The following PRKCE variants were observed in gnomAD, a reference collection of about 807,000 sequenced individuals.
The protein encoded by PRKCE is protein kinase C epsilon.
In PRKCE, 16 loss-of-function variants were observed where a neutral mutation model predicts 85.4. That is an observed-to-expected ratio of 0.19 (90% CI 0.13 to 0.28). PRKCE has a LOEUF of 0.28. PRKCE is among the 10% of genes least tolerant of loss of function. The pLI is 1.00. For synonymous variants in PRKCE, 388 were observed against 371.5 expected, an observed-to-expected ratio of 1.04 and a Z score of -0.51; for missense variants, 573 against 975.2, an observed-to-expected ratio of 0.59 and a Z score of 5.49.
chr2:46,024,087 G>C (rs1706903833), intron 10 of PRKCE, among the ~76,000 whole-genome samples: 2 of 152,150 alleles, frequency 1.3e-5, no homozygotes, highest in African/African-American at 4.8e-5. Flanking sequence ...ATGCCCAGGG[G>C]AGATTAGCCT....
intron 1 of PRKCE, among the ~76,000 whole-genome samples, chr2:45,695,036 C>T (rs1021846230): frequency 1.3e-5 from 2 of 152,156 alleles, no homozygotes; most frequent in African/African-American, 4.8e-5. Flanking sequence ...CTGCCCTCTG[C>T]CCCTGTGAGA....
Position 45,970,615 on chromosome 2 carries a change from A to G in PRKCE, c.413-5814A>G, listed in dbSNP as rs577567069. ...TATGGCAACCCCATGAGCTCTGGGT[A>G]GCTCCTGGGTGAAAATCAGAAACTA... is the stretch of plus-strand genomic sequence containing the variant. On this transcript the variant is annotated intron_variant, in intron 2 of 14. Coordinates refer to ENST00000306156, the MANE Select transcript of PRKCE (RefSeq NM_005400.3). Among the ~76,000 whole-genome samples, 3 of 152,262 alleles carry G rather than the reference A, an allele frequency of 2.0e-5. No homozygotes were observed. In the East Asian group the frequency reaches 5.8e-4, roughly 29 times the overall value.
intron 2 of PRKCE, among the ~76,000 whole-genome samples, chr2:45,970,756 T>C (rs1702055599): frequency 6.6e-6 from 1 of 151,984 alleles, no homozygotes; most frequent in East Asian, 1.9e-4. Context: ...CTGAATGTCT[T>C]TGTTCTTAGG....
chr2:46,037,948 A>G (rs1707973857), intron 10 of PRKCE, among the ~76,000 whole-genome samples: 1 of 152,182 alleles, frequency 6.6e-6, no homozygotes, highest in Non-Finnish European at 1.5e-5. Flanking sequence ...TAAAAACATA[A>G]AAAATAAATG....
At chr2:45,691,327 A>G (rs1303219822) in intron 1 of PRKCE, among the ~76,000 whole-genome samples, 1 of 152,122 alleles carries the variant, frequency 6.6e-6, no homozygotes, top group Non-Finnish European at 1.5e-5. Flanking sequence ...CTCCAGAGAG[A>G]CTGTGGATTT....
intron 6 of PRKCE, chr2:46,000,820 C>A (rs1704620618): frequency 6.6e-6 from 1 of 152,228 alleles, no homozygotes; most frequent in Non-Finnish European, 1.5e-5. Context: ...AGTTGCGATT[C>A]TCTGTATTCG....
At chr2:46,136,303 T>C (rs576596720) in intron 11 of PRKCE, among the ~76,000 whole-genome samples, 4 of 152,228 alleles carry the variant, frequency 2.6e-5, no homozygotes, top group African/African-American at 9.6e-5. Flanking sequence ...TGTTTCCTAT[T>C]CTTTCTGATA....
chr2:46,016,352 C>T lies in PRKCE; in HGVS notation c.1437+5835C>T, dbSNP rs114510372. ...GCGTGTGTCTGTGTAGATGAGCTGG[C>T]GGTTCTCTGGCCGGTCAGAGAAAGA... On this transcript the variant is annotated intron_variant, in intron 10 of 14. Transcript: ENST00000306156. Among the ~76,000 whole-genome samples the T allele has an allele frequency of 2.9e-3, 437 of 151,252 alleles. 3 individuals carry two copies. Among genetic ancestry groups the T allele is most frequent in the African/African-American group, 0.01 (422 of 41,184 alleles).
At chr2:45,954,121 T>TC (rs1345734432) in intron 2 of PRKCE, among the ~76,000 whole-genome samples, 1 of 152,224 alleles carries the variant, frequency 6.6e-6, no homozygotes, top group African/African-American at 2.4e-5. Flanking sequence ...TTGGTCCTGC[T>TC]CCCACTTTGA....
intron 11 of PRKCE, among the ~76,000 whole-genome samples, chr2:46,104,776 A>G (rs901578588): frequency 2.0e-5 from 3 of 152,202 alleles, no homozygotes; most frequent in Non-Finnish European, 4.4e-5. Flanking sequence ...CAATTGTCCA[A>G]TGAAACCAAT....
At chr2:45,838,734 T>A (rs938347762) in intron 1 of PRKCE, among the ~76,000 whole-genome samples, 2 of 152,150 alleles carry the variant, frequency 1.3e-5, no homozygotes, top group African/African-American at 4.8e-5. Context: ...TGCCTCTGCC[T>A]CCCAAGTAGC....
chr2:45,792,508 C>A (rs773439184), intron 1 of PRKCE, among the ~76,000 whole-genome samples: 6 of 152,180 alleles, frequency 3.9e-5, no homozygotes, highest in Non-Finnish European at 5.9e-5. Context: ...CCTTCCCACC[C>A]TTTCCCTTCT....
At chr2:45,899,456 C>T (rs538674694) in intron 2 of PRKCE, among the ~76,000 whole-genome samples, 1 of 151,822 alleles carries the variant, frequency 6.6e-6, no homozygotes, top group South Asian at 2.1e-4. Flanking sequence ...TCATGGCTCA[C>T]TGCAGCCTCA....
chr2:46,108,930 G>A (rs747615787), intron 11 of PRKCE, among the ~76,000 whole-genome samples: 9 of 150,718 alleles, frequency 6.0e-5, no homozygotes, highest in Non-Finnish European at 1.3e-4. Flanking sequence ...ATGTCCAGTT[G>A]TTCAAGCACC....
In PRKCE at chr2:46,138,565, T is replaced by C. The variant is rs1228261575; in HGVS notation, c.1593-6528T>C. On this transcript the variant is annotated intron_variant, in intron 11 of 14. Coordinates refer to ENST00000306156, the MANE Select transcript of PRKCE (RefSeq NM_005400.3). The surrounding 1 kb of genome is among the most constrained non-coding windows in gnomAD (Gnocchi z 4.2). ...CCCTTTCCTTATAGCCAGGATGTGC[T>C]TTCCAAATCTCTGTCTGGCTTAGTG... is the stretch of plus-strand genomic sequence containing the variant. Among the ~76,000 whole-genome samples, 1 of 152,218 alleles carries C rather than the reference T, an allele frequency of 6.6e-6. No homozygotes were observed. Among genetic ancestry groups the C allele is most frequent in the Admixed American group, 6.5e-5 (1 of 15,282 alleles).
intron 1 of PRKCE, among the ~76,000 whole-genome samples, chr2:45,749,948 G>C (rs1354874556): frequency 6.6e-6 from 1 of 152,126 alleles, no homozygotes; most frequent in African/African-American, 2.4e-5. Flanking sequence ...AAAGGATAAG[G>C]CCTTTTGGGG....
chr2:45,811,179 C>A (rs1688630709), intron 1 of PRKCE, among the ~76,000 whole-genome samples: 1 of 152,204 alleles, frequency 6.6e-6, no homozygotes, highest in Non-Finnish European at 1.5e-5. Context: ...GAACTAGCAG[C>A]CTCAGCCTCA....
At chr2:45,990,666 T>C (rs915635197) in intron 6 of PRKCE, among the ~76,000 whole-genome samples, 14 of 151,878 alleles carry the variant, frequency 9.2e-5, no homozygotes, top group Non-Finnish European at 1.8e-4. Context: ...TTCTTTTTTT[T>C]TTTTTTGAGA....
chr2:45,787,899 G>C (rs1686734056), intron 1 of PRKCE, among the ~76,000 whole-genome samples: 1 of 152,206 alleles, frequency 6.6e-6, no homozygotes, highest in Non-Finnish European at 1.5e-5. Context: ...CCCATCCAGA[G>C]CATTGCGATC....
Sources: allele counts gnomAD v4.1 joint callset (sites outside exome capture counted in the v4.1 genomes callset), GRCh38; gene constraint gnomAD v4.1.1; non-coding constraint Gnocchi (gnomAD v3.1); transcripts MANE v1.5; gene names NCBI Gene and HGNC (gene_info 2026-07-23, HGNC 2026-07-21).